VRK2: variants seen among roughly 807,000 people sequenced by gnomAD.
VRK2 encodes VRK serine/threonine kinase 2, also known as serine/threonine-protein kinase VRK2.
A neutral mutation model predicts 57.6 loss-of-function variants in VRK2; 60 were observed. That is an observed-to-expected ratio of 1.04 (90% CI 0.85 to 1.29). The LOEUF (loss-of-function observed/expected upper bound fraction) is 1.29. Ranked by LOEUF, VRK2 falls within the 50% of genes most tolerant of loss-of-function variation. The pLI is 0.00. For synonymous variants in VRK2, 231 were observed against 199.2 expected (o/e 1.16, Z -1.35); for missense variants, 705 against 588.1 (o/e 1.20, Z -2.06).
intron 1 of VRK2, among the ~76,000 whole-genome samples, chr2:57,954,245 A>G (rs1198594911): frequency 6.6e-6 from 1 of 152,170 alleles, no homozygotes; most frequent in Non-Finnish European, 1.5e-5. Flanking sequence ...TCATCTAGAA[A>G]TCTTAAGCCA....
chr2:58,107,566 C>A (rs1674937873), intron 7 of VRK2, among the ~76,000 whole-genome samples: 1 of 152,062 alleles, frequency 6.6e-6, no homozygotes, highest in Admixed American at 6.6e-5. Context: ...GCAAGGTGTG[C>A]TAATTAAGAA....
chr2:58,047,858 A>G (rs1439381320), intron 1 of VRK2, among the ~76,000 whole-genome samples: 1 of 152,224 alleles, frequency 6.6e-6, no homozygotes, highest in African/African-American at 2.4e-5. Context: ...TAAAGGAAAA[A>G]CAGATACTTT....
intron 12 of VRK2, among the ~76,000 whole-genome samples, chr2:58,150,772 A>G (rs1417388378): frequency 6.6e-6 from 1 of 151,412 alleles, no homozygotes; most frequent in Non-Finnish European, 1.5e-5. Flanking sequence ...AGTTAAACCT[A>G]TAAATATGTA....
chr2:57,999,202 G>A (rs1673014059), intron 1 of VRK2, among the ~76,000 whole-genome samples: 1 of 152,050 alleles, frequency 6.6e-6, no homozygotes, highest in South Asian at 2.1e-4. Context: ...ATATCTTTGT[G>A]CAGTATTTTG....
upstream of VRK2, among the ~76,000 whole-genome samples, chr2:58,045,141 G>T (rs1239480260): frequency 6.6e-6 from 1 of 152,176 alleles, no homozygotes; most frequent in Non-Finnish European, 1.5e-5. Flanking sequence ...AAGCGTTAAG[G>T]ATCATGTGGC....
intron 2 of VRK2, among the ~76,000 whole-genome samples, chr2:58,055,071 C>A (rs1364929977): frequency 6.6e-6 from 1 of 152,116 alleles, no homozygotes; most frequent in Non-Finnish European, 1.5e-5. Flanking sequence ...GCAATGTGAT[C>A]CCAAGCAATG....
intron 1 of VRK2, among the ~76,000 whole-genome samples, chr2:57,983,435 T>TA (rs1447499521): frequency 1.3e-5 from 2 of 152,210 alleles, no homozygotes; most frequent in Non-Finnish European, 2.9e-5. Flanking sequence ...TTCCTTTTTT[T>TA]ATGTAAGATA....
intron 1 of VRK2, among the ~76,000 whole-genome samples, chr2:58,013,593 C>CG (rs1410295214): frequency 6.6e-6 from 1 of 152,040 alleles, no homozygotes; most frequent in Non-Finnish European, 1.5e-5. Context: ...GATACAGGGC[C>CG]GGGCGCGGTG....
At chr2:58,068,802 C>T (rs1558591158) in intron 2 of VRK2, among the ~76,000 whole-genome samples, 2 of 113,540 alleles carry the variant, frequency 1.8e-5, no homozygotes, top group Admixed American at 1.7e-4. Context: ...TTGTATTGCA[C>T]CCCCTCAGGA....
At chr2:58,063,681 TC>T in intron 2 of VRK2, among the ~76,000 whole-genome samples, 1 of 152,092 alleles carries the variant, frequency 6.6e-6, no homozygotes, top group East Asian at 1.9e-4. Context: ...TAACATAGTG[TC>T]CCTTCTGTAG....
chr2:58,009,115 T>C (rs1228329917), intron 1 of VRK2, among the ~76,000 whole-genome samples: 1 of 152,168 alleles, frequency 6.6e-6, no homozygotes, highest in Non-Finnish European at 1.5e-5. Flanking sequence ...CATTGGCAAC[T>C]CCTGAATTTT....
At chr2:57,932,535 A>G (rs2678883) in intron 1 of VRK2, among the ~76,000 whole-genome samples, 105,819 of 152,042 alleles carry the variant, frequency 0.7, 38,326 homozygotes, top group African/African-American at 0.92. Flanking sequence ...GGAATCAGCT[A>G]TAACATCTCC....
chr2:57,951,086 A>G (rs529758456), intron 1 of VRK2, among the ~76,000 whole-genome samples: 1 of 152,186 alleles, frequency 6.6e-6, no homozygotes, highest in South Asian at 2.1e-4. Flanking sequence ...GCAAGACTCC[A>G]TCTCAAAAAA....
intron 2 of VRK2, among the ~76,000 whole-genome samples, chr2:58,077,618 T>G (rs1243264080): frequency 6.6e-6 from 1 of 152,058 alleles, no homozygotes; most frequent in Non-Finnish European, 1.5e-5. Context: ...ACTAAAGATA[T>G]TTCCATAATA....
intron 1 of VRK2, among the ~76,000 whole-genome samples, chr2:58,010,810 A>C (rs1371681579): frequency 1.3e-5 from 2 of 152,214 alleles, no homozygotes; most frequent in Non-Finnish European, 2.9e-5. Flanking sequence ...TGGCAGCTAG[A>C]ATAATATCTC....
intron 1 of VRK2, among the ~76,000 whole-genome samples, chr2:57,944,356 G>C (rs1268294147): frequency 2.6e-5 from 4 of 152,230 alleles, no homozygotes; most frequent in African/African-American, 9.6e-5. Context: ...ATTTAAGAGA[G>C]CACTTTAGCT....
At chr2:57,967,589 G>C (rs1671963600) in intron 1 of VRK2, among the ~76,000 whole-genome samples, 1 of 152,014 alleles carries the variant, frequency 6.6e-6, no homozygotes, top group African/African-American at 2.4e-5. Context: ...CAAAAATCTT[G>C]CGTGAGGCAG....
chr2:57,919,876 G>A (rs911891263), intron 1 of VRK2, among the ~76,000 whole-genome samples: 2 of 151,918 alleles, frequency 1.3e-5, no homozygotes, highest in East Asian at 1.9e-4. Flanking sequence ...TCTTAAAAAG[G>A]AGCCATTATC....
At chr2:58,099,590 G>T (rs1043906819) in intron 7 of VRK2, among the ~76,000 whole-genome samples, 2 of 151,996 alleles carry the variant, frequency 1.3e-5, no homozygotes, top group African/African-American at 4.8e-5. Flanking sequence ...AGAGCTCCTT[G>T]CCCCATTATG....
Sources: gnomAD v4.1 joint callset for allele counts (sites outside exome capture counted in the v4.1 genomes callset) on GRCh38, gnomAD v4.1.1 for gene constraint, MANE v1.5 for transcripts, NCBI Gene and HGNC (gene_info 2026-07-23, HGNC 2026-07-21) for gene names.